The following FCHO2 variants were observed in gnomAD, a reference collection of about 807,000 sequenced individuals.
The protein encoded by FCHO2 is F-BAR domain only protein 2.
In FCHO2, 43 loss-of-function variants were observed where a neutral mutation model predicts 114.1. That is an observed-to-expected ratio of 0.38 (90% CI 0.30 to 0.49). The LOEUF (loss-of-function observed/expected upper bound fraction) is 0.49, where lower values mean the gene tolerates loss of function less well. Ranked by LOEUF, FCHO2 falls within the 20% of genes least tolerant of loss-of-function variation. FCHO2 has a pLI of 0.97. For synonymous variants in FCHO2, 293 were observed against 315.2 expected, an observed-to-expected ratio of 0.93 and a Z score of 0.75; for missense variants, 807 against 950.4, an observed-to-expected ratio of 0.85 and a Z score of 1.98.
intron 15 of FCHO2, 114 bp downstream of exon 15, chr5:73,054,663 A>G (rs941380198): frequency 5.7e-6 from 4 of 702,296 alleles, no homozygotes; most frequent in African/African-American, 1.9e-5. Flanking sequence ...CATGAGCCCT[A>G]CTGCGTGGCT....
At chr5:72,983,142 G>T (rs1413605441) in intron 2 of FCHO2, among the ~76,000 whole-genome samples, 1 of 152,112 alleles carries the variant, frequency 6.6e-6, no homozygotes, top group Non-Finnish European at 1.5e-5. Context: ...TCGATCTCTT[G>T]ACCTCAGGTG....
intron 2 of FCHO2, among the ~76,000 whole-genome samples, chr5:72,981,599 G>C (rs62360754): frequency 6.6e-6 from 1 of 152,124 alleles, no homozygotes; most frequent in East Asian, 1.9e-4. Flanking sequence ...TGTAGGTTTC[G>C]TGGTTTCACA....
chr5:73,013,026 A>G (rs889377127), intron 6 of FCHO2, among the ~76,000 whole-genome samples: 2 of 152,210 alleles, frequency 1.3e-5, no homozygotes, highest in African/African-American at 4.8e-5. Flanking sequence ...CTGAGAAAAT[A>G]TCTTGTTTAT....
chr5:72,983,258 C>T (rs1157348282), intron 2 of FCHO2, among the ~76,000 whole-genome samples: 1 of 152,084 alleles, frequency 6.6e-6, no homozygotes, highest in African/African-American at 2.4e-5. Context: ...GCAGAATGTG[C>T]AGGTTTGTTC....
chr5:73,052,705 A>C (rs978613575), intron 13 of FCHO2, 198 bp downstream of exon 13: 9 of 510,188 alleles, frequency 1.8e-5, no homozygotes, highest in South Asian at 3.0e-5. Context: ...AATGTCAAAA[A>C]TTTACTATTT....
chr5:73,026,466 G>A (rs780228033), intron 8 of FCHO2, among the ~76,000 whole-genome samples: 12 of 150,614 alleles, frequency 8.0e-5, no homozygotes, highest in African/African-American at 2.7e-4. Context: ...GCAAGATTCC[G>A]TCTCAAAAAA....
intron 22 of FCHO2, 54 bp from the exon 23 acceptor site, chr5:73,081,728 AT>A: frequency 1.5e-6 from 2 of 1,327,606 alleles, no homozygotes; most frequent in Non-Finnish European, 2.0e-6. Flanking sequence ...TGTCATTAAC[AT>A]GACTTCTTAA....
chr5:72,960,342 G>A (rs1308149405), intron 1 of FCHO2, among the ~76,000 whole-genome samples: 3 of 152,098 alleles, frequency 2.0e-5, no homozygotes, highest in Non-Finnish European at 4.4e-5. Flanking sequence ...TACAGAACAG[G>A]TGTTTTGTTA....
At chr5:73,024,094 C>T (rs951143491) in intron 8 of FCHO2, among the ~76,000 whole-genome samples, 6 of 151,588 alleles carry the variant, frequency 4.0e-5, no homozygotes, top group African/African-American at 1.5e-4. Flanking sequence ...TGGTCTTGCT[C>T]TGTCACCTAG....
chr5:72,975,507 C>A (rs1393185458), intron 2 of FCHO2, among the ~76,000 whole-genome samples: 1 of 148,390 alleles, frequency 6.7e-6, no homozygotes, highest in Non-Finnish European at 1.5e-5. Flanking sequence ...TTGTATTATT[C>A]TTTTTTTTTT....
chr5:73,029,004 CAGAA>C (rs1282844059), intron 8 of FCHO2, among the ~76,000 whole-genome samples: 3 of 152,016 alleles, frequency 2.0e-5, no homozygotes, highest in African/African-American at 7.2e-5. Flanking sequence ...TTTATAGTGA[CAGAA>C]AGCAGATCAG....
At chr5:73,014,807 C>T (rs1029394557) in intron 6 of FCHO2, among the ~76,000 whole-genome samples, 28 of 151,816 alleles carry the variant, frequency 1.8e-4, no homozygotes, top group African/African-American at 6.5e-4. Flanking sequence ...CGGCTGGGTG[C>T]GGTGGCTCAC....
At chr5:73,065,285 A>C (rs1758011271) in intron 18 of FCHO2, among the ~76,000 whole-genome samples, 1 of 149,244 alleles carries the variant, frequency 6.7e-6, no homozygotes. Context: ...CATTCTAATA[A>C]ATTGATTTTT....
intron 9 of FCHO2, among the ~76,000 whole-genome samples, chr5:73,036,003 C>G (rs964749758): frequency 1.3e-5 from 2 of 151,714 alleles, no homozygotes; most frequent in Admixed American, 6.6e-5. Context: ...CCACTACGCC[C>G]GGCTAATTTT....
rs547463430 is a variant in FCHO2 at position 72,962,069 on chromosome 5, G to A, written c.33+5940G>A. On this transcript the variant is annotated intron_variant, in intron 1 of 25. Transcript: ENST00000430046. ...TCATTTAACTTGATGCAGAAGACTT[G>A]ACAGTAGACATTATAAAATTATAGT... is the stretch of plus-strand genomic sequence containing the variant. 1.6e-4 allele frequency among the ~76,000 whole-genome samples: 25 copies of A among 152,264 alleles called. No individual in the cohort carries two copies. The South Asian group carries it at 4.6e-3, about 28-fold the overall frequency.
chr5:73,005,013 CG>C (rs1306286530), intron 5 of FCHO2, among the ~76,000 whole-genome samples: 2 of 152,100 alleles, frequency 1.3e-5, no homozygotes, highest in Non-Finnish European at 2.9e-5. Flanking sequence ...GTAGTGTAAA[CG>C]GTAGAGCCAG....
intron 5 of FCHO2, among the ~76,000 whole-genome samples, chr5:73,004,220 A>T (rs1173540894): frequency 1.3e-5 from 2 of 152,180 alleles, no homozygotes; most frequent in Non-Finnish European, 2.9e-5. Flanking sequence ...TTTTTAAAAT[A>T]AATTCTAGCA....
chr5:73,020,702 G>T, intron 8 of FCHO2: 1 of 1,212,478 alleles, frequency 8.2e-7, no homozygotes, highest in Non-Finnish European at 1.2e-6. Flanking sequence ...GTCCTTTAGT[G>T]AAGAAATTGG....
chr5:73,082,952 C>T, intron 24 of FCHO2, 127 bp downstream of exon 24: 2 of 702,508 alleles, frequency 2.8e-6, no homozygotes, highest in South Asian at 4.0e-5. Flanking sequence ...CAGCTCACTG[C>T]AACCTCCGCC....
Sources: gnomAD v4.1 joint callset for allele counts (sites outside exome capture counted in the v4.1 genomes callset) on GRCh38, gnomAD v4.1.1 for gene constraint, MANE v1.5 for transcripts, NCBI Gene and HGNC (gene_info 2026-07-23, HGNC 2026-07-21) for gene names.